Variants in GALNT18 observed in about 807,000 individuals in gnomAD.
GALNT18 encodes GalNAc-transferase 18.
In GALNT18, 44 loss-of-function variants were observed where a neutral mutation model predicts 69.5. The ratio of observed to expected loss-of-function variants is 0.63; its 90% confidence interval spans 0.50 to 0.81. GALNT18 has a LOEUF of 0.81. Ranked by LOEUF, GALNT18 falls within the 40% of genes least tolerant of loss-of-function variation. The pLI is 0.00. For synonymous variants in GALNT18, 364 were observed against 318.2 expected, an observed-to-expected ratio of 1.14 and a Z score of -1.53; for missense variants, 715 against 810.0, an observed-to-expected ratio of 0.88 and a Z score of 1.42.
At chr11:11,378,453 C>T (rs543864838) in intron 4 of GALNT18, among the ~76,000 whole-genome samples, 106 of 152,338 alleles carry the variant, frequency 7.0e-4, no homozygotes, top group African/African-American at 2.2e-3. Flanking sequence ...GGGAGGTCTG[C>T]ATCCGCCACT....
At chr11:11,305,154 T>C (rs1028626750) in intron 9 of GALNT18, among the ~76,000 whole-genome samples, 10 of 145,586 alleles carry the variant, frequency 6.9e-5, no homozygotes, top group African/African-American at 2.3e-4. Flanking sequence ...GTGAAATACC[T>C]TGGTAAGATA....
chr11:11,431,992 G>A (rs1855274868), intron 3 of GALNT18, among the ~76,000 whole-genome samples: 1 of 152,178 alleles, frequency 6.6e-6, no homozygotes. Flanking sequence ...AAAAGGGGTG[G>A]CTGGTAGTGC....
intron 1 of GALNT18, among the ~76,000 whole-genome samples, chr11:11,545,606 G>A (rs1858037239): frequency 6.6e-6 from 1 of 152,230 alleles, no homozygotes; most frequent in Non-Finnish European, 1.5e-5. Flanking sequence ...GTTGGCAAGT[G>A]GTCTTCCACC....
chr11:11,422,311 C>G (rs1855028825), intron 3 of GALNT18, among the ~76,000 whole-genome samples: 1 of 152,216 alleles, frequency 6.6e-6, no homozygotes, highest in Non-Finnish European at 1.5e-5. Flanking sequence ...CAGAGGCAAC[C>G]TCAGGCAGCA....
At position 11,444,032 on chromosome 11, in the gene GALNT18, C is replaced by T. The variant is rs1027662221; in HGVS notation, c.428+4712G>A. ...ACATCTTTGGGAGGCCATTATTCTGCCTATCCATGAAGCCAGGACCCCCCA... is the reference window on the plus strand; with the variant it reads ...ACATCTTTGGGAGGCCATTATTCTGTCTATCCATGAAGCCAGGACCCCCCA... On this transcript the variant is annotated intron_variant, in intron 2 of 10. Transcript: ENST00000227756. This position sits in a 1 kb window ranked among gnomAD's most constrained non-coding sequence, Gnocchi z 4.4. Among the ~76,000 whole-genome samples, 1 of 152,162 alleles carries T rather than the reference C, an allele frequency of 6.6e-6. No homozygotes were observed. Among genetic ancestry groups the T allele is most frequent in the South Asian group, 2.1e-4 (1 of 4,830 alleles).
At chr11:11,506,284 G>A (rs942249618) in intron 1 of GALNT18, among the ~76,000 whole-genome samples, 2 of 152,192 alleles carry the variant, frequency 1.3e-5, no homozygotes, top group African/African-American at 4.8e-5. Context: ...AGCTATTCAT[G>A]TATTTTGCAA....
rs939979428 is a variant in GALNT18 at position 11,387,682 on chromosome 11, A to G, written c.596-8418T>C. Reference sequence around the variant, plus strand: ...ATTTATGAGGATGCAATGGTTGTCAAACCTAGCTGATCATCCACATCACAT... The same window carrying G: ...ATTTATGAGGATGCAATGGTTGTCAGACCTAGCTGATCATCCACATCACAT... On this transcript the variant is annotated intron_variant, in intron 3 of 10. Transcript: ENST00000227756. This position sits in a 1 kb window ranked among gnomAD's most constrained non-coding sequence, Gnocchi z 4.6. 2.0e-5 allele frequency among the ~76,000 whole-genome samples: 3 copies of G among 152,206 alleles called. No individual in the cohort carries two copies. The highest frequency in any genetic ancestry group is 7.2e-5 in the African/African-American group (3 of 41,450).
intron 9 of GALNT18, among the ~76,000 whole-genome samples, chr11:11,299,353 C>T (rs1849454383): frequency 6.6e-6 from 1 of 152,114 alleles, no homozygotes; most frequent in Non-Finnish European, 1.5e-5. Flanking sequence ...AACATGTTGG[C>T]CAGGCTGGTC....
rs558581002 is a variant in GALNT18 at position 11,274,525 on chromosome 11, G to T, written c.1678-3235C>A. Among the ~76,000 whole-genome samples the T allele has an allele frequency of 2.0e-5, 3 of 152,330 alleles. No homozygotes were observed. In the East Asian group the frequency reaches 5.8e-4, roughly 29 times the overall value. On this transcript the variant is annotated intron_variant, in intron 10 of 10. Transcript: ENST00000227756. ...GGTTGGGTGAGGGACATCCGCCATT[G>T]CTGTGGCCTGAGTAGGTGGGTTTTT...
intron 2 of GALNT18, among the ~76,000 whole-genome samples, chr11:11,446,584 C>T (rs1294663229): frequency 6.6e-6 from 1 of 152,152 alleles, no homozygotes; most frequent in Non-Finnish European, 1.5e-5. Flanking sequence ...CCCCATGACA[C>T]TTAGCTGAGG....
intron 1 of GALNT18, among the ~76,000 whole-genome samples, chr11:11,513,217 T>C (rs1857199583): frequency 6.6e-6 from 1 of 152,214 alleles, no homozygotes; most frequent in African/African-American, 2.4e-5. Flanking sequence ...TGCATGTCTC[T>C]GAGCCTCAGT....
chr11:11,342,111 C>T (rs1850219507), intron 6 of GALNT18, among the ~76,000 whole-genome samples: 1 of 152,152 alleles, frequency 6.6e-6, no homozygotes, highest in African/African-American at 2.4e-5. Flanking sequence ...AGGTCAGCCT[C>T]ACTCACTGAT....
chr11:11,509,209 T>G (rs1590061282), intron 1 of GALNT18, among the ~76,000 whole-genome samples: 1 of 152,180 alleles, frequency 6.6e-6, no homozygotes. Flanking sequence ...TCTGTGACAA[T>G]TAGGGCCCTT....
chr11:11,359,941 C>A (rs1285413732), intron 6 of GALNT18, among the ~76,000 whole-genome samples: 5 of 152,118 alleles, frequency 3.3e-5, no homozygotes, highest in Non-Finnish European at 7.4e-5. Flanking sequence ...CAGCATGGAC[C>A]TCACAGGGAT....
At chr11:11,333,391 C>T (rs905302135) in intron 7 of GALNT18, among the ~76,000 whole-genome samples, 1 of 152,180 alleles carries the variant, frequency 6.6e-6, no homozygotes, top group African/African-American at 2.4e-5. Context: ...TTTTGTCCCA[C>T]TCATACTTAT....
chr11:11,288,265 AT>A (rs1330841437), intron 10 of GALNT18, among the ~76,000 whole-genome samples: 1 of 152,170 alleles, frequency 6.6e-6, no homozygotes, highest in Non-Finnish European at 1.5e-5. Context: ...AAAACTCTAA[AT>A]TCTGCACACA....
chr11:11,431,662 C>T (rs1855266808), intron 3 of GALNT18, among the ~76,000 whole-genome samples: 1 of 152,090 alleles, frequency 6.6e-6, no homozygotes, highest in Admixed American at 6.5e-5. Flanking sequence ...TTCAATTATC[C>T]AATGTATTTC....
intron 1 of GALNT18, among the ~76,000 whole-genome samples, chr11:11,450,981 A>G: frequency 6.6e-6 from 1 of 152,202 alleles, no homozygotes; most frequent in East Asian, 1.9e-4. Flanking sequence ...CGTGAAGTAC[A>G]AAGACAAACA....
At position 11,318,582 on chromosome 11, in the gene GALNT18, C is replaced by T. The variant is rs1293070691; in HGVS notation, c.1512+8504G>A. On this transcript the variant is annotated intron_variant, in intron 9 of 10. Coordinates refer to ENST00000227756, the MANE Select transcript of GALNT18 (RefSeq NM_198516.3). This position sits in a 1 kb window ranked among gnomAD's most constrained non-coding sequence, Gnocchi z 5.1. ...GAATTGTGAGACAGTAATTTTCTGTCGTTTAAGTCTCGCAGCTTGTGGTAC... is the reference window on the plus strand; with the variant it reads ...GAATTGTGAGACAGTAATTTTCTGTTGTTTAAGTCTCGCAGCTTGTGGTAC... Among the ~76,000 whole-genome samples the T allele has an allele frequency of 1.3e-5, 2 of 152,122 alleles. No homozygotes were observed. The highest frequency in any genetic ancestry group is 1.9e-4 in the East Asian group (1 of 5,194).
Sources: gnomAD v4.1 joint callset for allele counts (sites outside exome capture counted in the v4.1 genomes callset) on GRCh38, gnomAD v4.1.1 for gene constraint, Gnocchi (gnomAD v3.1) non-coding constraint, MANE v1.5 for transcripts, NCBI Gene and HGNC (gene_info 2026-07-23, HGNC 2026-07-21) for gene names.